The following DNAH3 variants were observed in gnomAD, a reference collection of about 807,000 sequenced individuals.
The protein encoded by DNAH3 is dynein axonemal heavy chain 3, also known as axonemal beta dynein heavy chain 3.
A neutral mutation model predicts 432.5 loss-of-function variants in DNAH3; 332 were observed. That is an observed-to-expected ratio of 0.77 (90% confidence interval 0.70 to 0.84). DNAH3 has a LOEUF of 0.84. Ranked by LOEUF, DNAH3 falls within the 40% of genes least tolerant of loss-of-function variation. The pLI is 0.00. For synonymous variants in DNAH3, 1,956 were observed against 1,900.2 expected, an observed-to-expected ratio of 1.03 and a Z score of -0.76; for missense variants, 4,861 against 5,114.0, an observed-to-expected ratio of 0.95 and a Z score of 1.51.
intron 41 of DNAH3, among the ~76,000 whole-genome samples, chr16:21,009,695 T>G (rs2087485401): frequency 6.6e-6 from 1 of 152,038 alleles, no homozygotes; most frequent in Non-Finnish European, 1.5e-5. Flanking sequence ...GCTGAGTAAA[T>G]GGCAAAATCC....
intron 1 of DNAH3, among the ~76,000 whole-genome samples, chr16:21,152,835 G>C (rs982073173): frequency 6.6e-6 from 1 of 152,240 alleles, no homozygotes. Context: ...GCCTTCCCGC[G>C]GGGCAGGGCT....
At chr16:21,098,552 C>A in intron 17 of DNAH3, 64 bp downstream of exon 17, 1 of 1,496,620 alleles carries the variant, frequency 6.7e-7, no homozygotes, top group Non-Finnish European at 8.9e-7. Flanking sequence ...AGGAAATTCA[C>A]AACCAAGGAT....
chr16:20,975,442 C>T, intron 50 of DNAH3, 27 bp from the exon 51 acceptor site: 1 of 1,605,336 alleles, frequency 6.2e-7, no homozygotes. Context: ...TGGGAGAAAT[C>T]CAGGGTCAGC....
In DNAH3 at chr16:20,965,457, T is replaced by A; in HGVS notation, c.8459-32A>T. The A allele has an allele frequency of 2.0e-6, 3 of 1,478,696 alleles. No individual in the cohort carries two copies. The South Asian group carries it at 4.5e-5, about 22-fold the overall frequency. 91.6% of individuals were successfully genotyped at this position (1,478,696 alleles called of 1,614,324 possible). The stretch of plus-strand genomic sequence containing the variant: ...GGAACAAGAAACAGAGATAATGTGT[T>A]AAGACATTCTGGCCAAGACTTAAAA... On this transcript the variant is annotated intron_variant, in intron 52 of 61. Coordinates refer to ENST00000261383, the Ensembl canonical transcript of DNAH3.
intron 31 of DNAH3, among the ~76,000 whole-genome samples, chr16:21,047,170 C>T (rs1224594480): frequency 1.7e-4 from 25 of 148,528 alleles, no homozygotes; most frequent in African/African-American, 4.0e-4. Context: ...TTGCTCTTCT[C>T]GAGGAGTATC....
chr16:20,961,285 G>A (rs1415337782), intron 53 of DNAH3, among the ~76,000 whole-genome samples: 1 of 152,038 alleles, frequency 6.6e-6, no homozygotes, highest in African/African-American at 2.4e-5. Flanking sequence ...GTTAAAATGA[G>A]TTCATTCAAT....
intron 41 of DNAH3, among the ~76,000 whole-genome samples, chr16:21,009,831 G>A (rs1351889879): frequency 2.0e-5 from 3 of 150,442 alleles, no homozygotes; most frequent in Non-Finnish European, 4.4e-5. Context: ...GCCGTGATGA[G>A]CCGTGACTAC....
intron 22 of DNAH3, 78 bp downstream of exon 22, chr16:21,070,632 C>T (rs1247222233): frequency 5.9e-6 from 5 of 852,922 alleles, no homozygotes; most frequent in Non-Finnish European, 8.0e-6. Flanking sequence ...GTTAACTGAA[C>T]GTGAAAACCT....
intron 31 of DNAH3, among the ~76,000 whole-genome samples, chr16:21,045,930 G>A (rs1423974142): frequency 2.1e-5 from 3 of 145,622 alleles, no homozygotes; most frequent in African/African-American, 7.6e-5. Context: ...ATTTCGTTAT[G>A]TACCCAGTAG....
chr16:20,998,684 G>A (rs1238625497), intron 43 of DNAH3, among the ~76,000 whole-genome samples: 1 of 147,590 alleles, frequency 6.8e-6, no homozygotes, highest in Non-Finnish European at 1.5e-5. Flanking sequence ...TGAAATGGGG[G>A]CTCTTCGAGA....
In DNAH3 at chr16:21,133,633, G is replaced by A. The variant is rs543069392; in HGVS notation, c.1082+626C>T. ...CGCATGCCTGTAATCCCAGCTACTC[G>A]GGAGGTTGAGACAGGAGAATCGCTT... On this transcript the variant is annotated intron_variant, in intron 7 of 61. Transcript: ENST00000261383. Among the ~76,000 whole-genome samples, 49 of 151,966 alleles carry A rather than the reference G, an allele frequency of 3.2e-4. 2 individuals are homozygous for A. The highest frequency in any genetic ancestry group is 1.0e-3 in the South Asian group (5 of 4,814).
intron 14 of DNAH3, among the ~76,000 whole-genome samples, chr16:21,109,140 A>T (rs1464124989): frequency 6.6e-6 from 1 of 151,288 alleles, no homozygotes; most frequent in South Asian, 2.1e-4. Flanking sequence ...AAAAAAAAAG[A>T]AAGAAAGAAA....
chr16:21,011,543 T>C (rs891115134), intron 41 of DNAH3, among the ~76,000 whole-genome samples: 5 of 152,080 alleles, frequency 3.3e-5, no homozygotes, highest in Non-Finnish European at 7.4e-5. Flanking sequence ...GTATTTTTTG[T>C]AGAGACAGGG....
intron 44 of DNAH3, among the ~76,000 whole-genome samples, chr16:20,991,039 A>C (rs1284225665): frequency 6.6e-6 from 1 of 151,530 alleles, no homozygotes; most frequent in African/African-American, 2.4e-5. Context: ...CAAACAAAAA[A>C]CAAAACAAAA....
At chr16:20,973,133 A>T (rs1177206958) in intron 51 of DNAH3, among the ~76,000 whole-genome samples, 3 of 152,174 alleles carry the variant, frequency 2.0e-5, no homozygotes, top group African/African-American at 7.2e-5. Flanking sequence ...CATAGGTTCA[A>T]GTATGTTAAG....
At chr16:20,990,292 A>T (rs771194012) in intron 44 of DNAH3, among the ~76,000 whole-genome samples, 1 of 152,208 alleles carries the variant, frequency 6.6e-6, no homozygotes, top group Non-Finnish European at 1.5e-5. Flanking sequence ...TCTATCATCT[A>T]TCATCTTTCT....
At chr16:20,983,773 G>A (rs918464912) in intron 48 of DNAH3, among the ~76,000 whole-genome samples, 1 of 152,010 alleles carries the variant, frequency 6.6e-6, no homozygotes, top group Non-Finnish European at 1.5e-5. Context: ...AACACTTTGG[G>A]AGGCCAAGGC....
chr16:21,048,666 C>G (rs1207955139), intron 31 of DNAH3, among the ~76,000 whole-genome samples: 7 of 151,918 alleles, frequency 4.6e-5, no homozygotes, highest in African/African-American at 1.7e-4. Flanking sequence ...AGCTGTAGAC[C>G]GGAGCTGTTC....
chr16:21,148,753 G>A (rs2092817701), intron 1 of DNAH3, among the ~76,000 whole-genome samples: 1 of 152,162 alleles, frequency 6.6e-6, no homozygotes, highest in African/African-American at 2.4e-5. Context: ...ATAGCAGAAA[G>A]CATCCCAGTC....
Sources: allele counts gnomAD v4.1 joint callset (sites outside exome capture counted in the v4.1 genomes callset), GRCh38; gene constraint gnomAD v4.1.1; transcripts MANE v1.5; gene names NCBI Gene and HGNC (gene_info 2026-07-23, HGNC 2026-07-21).